BSN: variants seen among roughly 807,000 people sequenced by gnomAD.
BSN encodes bassoon presynaptic cytomatrix protein, also known as protein bassoon.
BSN carries 57 observed loss-of-function variants against 264.8 expected under a neutral mutation model. That is an observed-to-expected ratio of 0.22 (90% CI 0.17 to 0.27). The LOEUF (loss-of-function observed/expected upper bound fraction) is 0.27. Ranked by LOEUF, BSN falls within the 10% of genes least tolerant of loss-of-function variation. The probability of loss-of-function intolerance (pLI) is 1.00; values close to 1 mark genes in which losing one functional copy is unlikely to be tolerated. For synonymous variants in BSN, 2,059 were observed against 2,137.3 expected (o/e 0.96, Z 1.01); for missense variants, 4,615 against 5,232.5 (o/e 0.88, Z 3.64).
At chr3:49,573,664 T>G (rs577758847) in intron 1 of BSN, among the ~76,000 whole-genome samples, 57 of 151,844 alleles carry the variant, frequency 3.8e-4, no homozygotes, top group African/African-American at 1.3e-3. Flanking sequence ...CTGGTTTTTT[T>G]TTTTTTTTTT....
At chr3:49,606,666 T>C (rs1164021061) in intron 1 of BSN, among the ~76,000 whole-genome samples, 3 of 152,044 alleles carry the variant, frequency 2.0e-5, no homozygotes, top group Non-Finnish European at 2.9e-5. Flanking sequence ...ATTGGAGCCC[T>C]GACCCCTTCC....
intron 3 of BSN, among the ~76,000 whole-genome samples, chr3:49,647,459 G>T (rs2052509780): frequency 6.6e-6 from 1 of 152,200 alleles, no homozygotes; most frequent in Admixed American, 6.5e-5. Context: ...AGTCATCAGA[G>T]CCACCCCATT....
intron 1 of BSN, among the ~76,000 whole-genome samples, chr3:49,593,788 G>GTTTTT (rs2051998608): frequency 7.3e-6 from 1 of 137,416 alleles, no homozygotes; most frequent in African/African-American, 2.7e-5. Context: ...TTTTTTTTTT[G>GTTTTT]TTTTGTTTTG....
rs773099051 is a variant in BSN, at chr3:49,657,456, C to T, written c.7900C>T (p.Pro2634Ser). The T allele has an allele frequency of 2.5e-6, 4 of 1,612,928 alleles. No homozygotes were observed. The highest frequency in any genetic ancestry group is 2.7e-5 in the African/African-American group (2 of 74,932). The part of the protein sequence containing the change: ...QPVRRRRSRL[P>S]RHSDSGSDSK... ...AGTGCGCCGCCGCAGGTCTCGTCTT[C>T]CCCGCCACTCAGACTCAGGCTCTGA... The change falls in exon 5 of 12, where the codon CCC becomes TCC. Residue 2634 changes from proline (P) to serine (S), a missense_variant. Transcript: ENST00000296452.
rs1272493287 is a variant in BSN at position 49,664,406 on chromosome 3, G to A, written c.11609-17G>A. 4.3e-6 allele frequency: 7 copies of A among 1,613,640 alleles called. No individual in the cohort carries two copies. Among genetic ancestry groups the A allele is most frequent in the East Asian group, 4.5e-5 (2 of 44,864 alleles). On this transcript the variant is annotated splice_polypyrimidine_tract_variant and intron_variant, in intron 8 of 11. Coordinates refer to ENST00000296452, the MANE Select transcript of BSN (RefSeq NM_003458.4). ...CAGGCCGTGCATAGCTCATTATGGC[G>A]ATTTCTTTCCTCCTAGGTGTGAAGG... is the stretch of plus-strand genomic sequence containing the variant.
rs993971502 is a variant in BSN at position 49,638,532 on chromosome 3, T to A, written c.634-3736T>A. The stretch of plus-strand genomic sequence containing the variant: ...AGTGTCCTCCTTAGGAGGCCTTGCA[T>A]GCTGGGCCTGAGCCTGGGAGGGGCT... On this transcript the variant is annotated intron_variant, in intron 2 of 11. Coordinates refer to ENST00000296452, the MANE Select transcript of BSN (RefSeq NM_003458.4). This position sits in a 1 kb window ranked among gnomAD's most constrained non-coding sequence, Gnocchi z 4.3. Among the ~76,000 whole-genome samples the A allele has an allele frequency of 3.3e-5, 5 of 150,932 alleles. No homozygotes were observed. The highest frequency in any genetic ancestry group is 2.6e-4 in the Admixed American group (4 of 15,244).
intron 1 of BSN, among the ~76,000 whole-genome samples, chr3:49,574,130 G>GTA (rs1328990820): frequency 3.0e-5 from 2 of 66,380 alleles, no homozygotes; most frequent in Non-Finnish European, 6.0e-5. Context: ...TTGTATTTTT[G>GTA]TATTTTTTTT....
rs2052592084 is a variant in BSN, at chr3:49,655,615, A to G, written c.6059A>G (p.Lys2020Arg). Residue 2020 changes from lysine (K) to arginine (R), a missense_variant, in exon 5 of 12, where the codon AAG becomes AGG. Physicochemically the swap from Lys to Arg is conservative, Grantham distance 26. Transcript: ENST00000296452. ...TCGGCTATGGACCTCAGCTCACTGA[A>G]GCACTCCTACAGCCTGGGCTTTGCG... ...RDSAMDLSSLKHSYSLGFADG... is the reference protein window; with the variant it reads ...RDSAMDLSSLRHSYSLGFADG... 2 of 1,613,594 alleles carry G rather than the reference A, an allele frequency of 1.2e-6. No homozygotes were observed. The highest frequency in any genetic ancestry group is 1.7e-6 in the Non-Finnish European group (2 of 1,180,000).
Position 49,652,026 on chromosome 3 carries a change from T to A in BSN, c.2470T>A (p.Ser824Thr). The A allele has an allele frequency of 4.3e-6, 7 of 1,611,642 alleles. No homozygotes were observed. The highest frequency in any genetic ancestry group is 5.9e-6 in the Non-Finnish European group (7 of 1,178,374). ...GGAGGACAGCAGTGAGGGTGGCCTGTCCCCTCTTCCACCCCAGCCCCCAGC... is the reference window on the plus strand; with the variant it reads ...GGAGGACAGCAGTGAGGGTGGCCTGACCCCTCTTCCACCCCAGCCCCCAGC... ...YVEDSSEGGL[S>T]PLPPQPPARA... The change falls in exon 5 of 12, where the codon TCC becomes ACC. Residue 824 changes from serine to threonine, a missense_variant. Transcript: ENST00000296452.
At chr3:49,609,843 G>A (rs1336192209) in intron 1 of BSN, among the ~76,000 whole-genome samples, 1 of 152,172 alleles carries the variant, frequency 6.6e-6, no homozygotes, top group African/African-American at 2.4e-5. Context: ...TCGTCAGCCT[G>A]GGATGCCCTT....
chr3:49,630,139 C>A (rs2052374280), intron 2 of BSN, among the ~76,000 whole-genome samples: 1 of 152,244 alleles, frequency 6.6e-6, no homozygotes, highest in Non-Finnish European at 1.5e-5. Flanking sequence ...CAGCCAGCAG[C>A]CTTGTCTCAT....
At position 49,654,092 on chromosome 3, in the gene BSN, C is replaced by T. The variant is rs776268649; in HGVS notation, c.4536C>T (p.Ala1512=). The T allele has an allele frequency of 6.2e-7, 1 of 1,613,886 alleles. No individual in the cohort carries two copies. The highest frequency in any genetic ancestry group is 1.3e-5 in the African/African-American group (1 of 74,910). Residue 1512 remains alanine (A), a synonymous_variant, in exon 5 of 12, where the codon GCC becomes GCT. Coordinates refer to ENST00000296452, the MANE Select transcript of BSN (RefSeq NM_003458.4). This position sits in a 1 kb window ranked among gnomAD's most constrained non-coding sequence, Gnocchi z 4.1. ...AEFSTQTPSP[A]PASDMPRSPG... ...TCTCTACACAGACGCCAAGTCCAGC[C>T]CCTGCCTCAGACATGCCACGGAGCC...
At chr3:49,620,764 G>A (rs915598557) in intron 1 of BSN, among the ~76,000 whole-genome samples, 3 of 152,132 alleles carry the variant, frequency 2.0e-5, no homozygotes, top group Non-Finnish European at 2.9e-5. Context: ...TGAGGTGGGC[G>A]GATCACTTGA....
chr3:49,596,059 T>C (rs570833913), intron 1 of BSN, among the ~76,000 whole-genome samples: 1 of 152,322 alleles, frequency 6.6e-6, no homozygotes, highest in South Asian at 2.1e-4. Context: ...AGAGTATATC[T>C]TTGCATCGTA....
intron 1 of BSN, among the ~76,000 whole-genome samples, chr3:49,557,558 T>TGGA (rs142350264): frequency 0.06 from 9,063 of 150,450 alleles, 400 homozygotes; most frequent in Non-Finnish European, 0.089. Context: ...ACCAGCTCTG[T>TGGA]GGACTTGCAC....
At chr3:49,574,697 A>G (rs1489636869) in intron 1 of BSN, among the ~76,000 whole-genome samples, 6 of 130,424 alleles carry the variant, frequency 4.6e-5, no homozygotes, top group African/African-American at 1.8e-4. Context: ...GTGCAGTGGC[A>G]CAATCTCGGC....
chr3:49,604,394 A>G (rs1359457608), intron 1 of BSN, among the ~76,000 whole-genome samples: 1 of 152,168 alleles, frequency 6.6e-6, no homozygotes, highest in African/African-American at 2.4e-5. Flanking sequence ...CCAGCTCATG[A>G]TAACTACTGT....
intron 1 of BSN, among the ~76,000 whole-genome samples, chr3:49,595,484 C>A (rs980196164): frequency 1.3e-5 from 2 of 151,702 alleles, no homozygotes. Flanking sequence ...CCACTGCGCC[C>A]GGCCTCACAA....
chr3:49,661,949 G>A lies in BSN; in HGVS notation c.10104G>A (p.Lys3368=). 2.5e-6 allele frequency: 4 copies of A among 1,613,988 alleles called. No homozygotes were observed. The highest frequency in any genetic ancestry group is 3.4e-6 in the Non-Finnish European group (4 of 1,180,042). ...ACCGGAAGCAGGGCATGGAGCAAAA[G>A]ATATCCAAGTTCTCGCCTATTGAAG... is the stretch of plus-strand genomic sequence containing the variant. ...SKHRKQGMEQ[K]ISKFSPIEEA... is the part of the protein sequence containing the mutation. Residue 3368 remains lysine, a synonymous_variant, in exon 6 of 12, where the codon AAG becomes AAA. Coordinates refer to ENST00000296452, the MANE Select transcript of BSN (RefSeq NM_003458.4).
Sources: allele counts gnomAD v4.1 joint callset (sites outside exome capture counted in the v4.1 genomes callset), GRCh38; gene constraint gnomAD v4.1.1; non-coding constraint Gnocchi (gnomAD v3.1); transcripts MANE v1.5; gene names NCBI Gene and HGNC (gene_info 2026-07-23, HGNC 2026-07-21).